The following UBQLN1 variants were observed in gnomAD, a reference collection of about 807,000 sequenced individuals.
The protein encoded by UBQLN1 is ubiquilin-1.
Under a neutral mutation model 65.4 loss-of-function variants are expected in UBQLN1, and 13 were observed. The observed-to-expected ratio is 0.20, with a 90% confidence interval of 0.13 to 0.32. The LOEUF (loss-of-function observed/expected upper bound fraction) is 0.32, where lower values mean the gene tolerates loss of function less well. Ranked by LOEUF, UBQLN1 falls within the 10% of genes least tolerant of loss-of-function variation. The pLI is 1.00. For synonymous variants in UBQLN1, 267 were observed against 247.8 expected, an observed-to-expected ratio of 1.08 and a Z score of -0.73; for missense variants, 561 against 724.0, an observed-to-expected ratio of 0.77 and a Z score of 2.58.
At position 83,673,580 on chromosome 9, in the gene UBQLN1, A is replaced by AC. The variant is rs796554278; in HGVS notation, c.1105+4146dup. ...AAAAAAAAAAAAACAAAAAAAAAAA[A>AC]CTGCGCTTACGTTTTTATTTTTAAA... On this transcript the variant is annotated intron_variant, in intron 6 of 10. Transcript: ENST00000376395. Among the ~76,000 whole-genome samples the AC allele has an allele frequency of 6.2e-3, 675 of 109,438 alleles. 28 individuals carry two copies. Among genetic ancestry groups the AC allele is most frequent in the African/African-American group, 0.025 (611 of 24,488 alleles). 71.8% of individuals were successfully genotyped at this position (109,438 alleles called of 152,430 possible). A position where few individuals can be genotyped will look rare whatever the true frequency, so the allele number is the denominator to read the frequency against.
At chr9:83,702,290 C>G (rs1377804269) in intron 1 of UBQLN1, among the ~76,000 whole-genome samples, 2 of 152,118 alleles carry the variant, frequency 1.3e-5, no homozygotes, top group East Asian at 1.9e-4. Flanking sequence ...GTATGGTAGG[C>G]AAATTACACT....
Position 83,707,603 on chromosome 9 carries a change from G to A in UBQLN1, c.77C>T (p.Pro26Leu). 4 of 1,598,816 alleles carry A rather than the reference G, an allele frequency of 2.5e-6. No homozygotes were observed. Among genetic ancestry groups the A allele is most frequent in the Admixed American group, 1.7e-5 (1 of 57,876 alleles). ...GGGCTCCGCGGAGGCAGCGGCCGCG[G>A]GGGCGCCAGCACCTTCGGCTCCGGC... ...SAAGAEGAGA[P>L]AAAASAEPKI... The change falls in exon 1 of 11, where the codon CCC (proline) becomes CTC (leucine). Residue 26 changes from proline to leucine, a missense_variant. Physicochemically the swap from Pro to Leu is moderately conservative, Grantham distance 98. Coordinates refer to ENST00000376395, the MANE Select transcript of UBQLN1 (RefSeq NM_013438.5).
In UBQLN1 at chr9:83,695,947, A is replaced by AT. The variant is rs35476718; in HGVS notation, c.181-9793dup. ...TAGTTTCACTTCACTTTTCAAATTA[A>AT]TTTTTTTTTTTGAGTCGGAGTCTCA... On this transcript the variant is annotated intron_variant, in intron 1 of 10. Coordinates refer to ENST00000376395, the MANE Select transcript of UBQLN1 (RefSeq NM_013438.5). Among the ~76,000 whole-genome samples, 59 of 149,890 alleles carry AT rather than the reference A, an allele frequency of 3.9e-4. No individual in the cohort carries two copies. The East Asian group carries it at 7.4e-3, about 19-fold the overall frequency.
intron 6 of UBQLN1, among the ~76,000 whole-genome samples, chr9:83,670,876 T>G (rs924439721): frequency 6.6e-6 from 1 of 152,230 alleles, no homozygotes; most frequent in African/African-American, 2.4e-5. Context: ...AACCACTCTT[T>G]GCTCATCTAC....
intron 1 of UBQLN1, among the ~76,000 whole-genome samples, chr9:83,700,430 T>C (rs978183277): frequency 1.6e-4 from 25 of 152,248 alleles, no homozygotes; most frequent in African/African-American, 6.0e-4. Flanking sequence ...TAGATTCATC[T>C]GTAAATAATT....
Position 83,681,593 on chromosome 9 carries a change from T to G in UBQLN1, c.448+1358A>C, listed in dbSNP as rs1034691224. Among the ~76,000 whole-genome samples, 24 of 152,326 alleles carry G rather than the reference T, an allele frequency of 1.6e-4. No homozygotes were observed. In the South Asian group the frequency reaches 2.1e-3, roughly 13 times the overall value. On this transcript the variant is annotated intron_variant, in intron 3 of 10. Transcript: ENST00000376395. ...GAAGGTTAGGAGGGGGACTGAATACTAGGCACAATGAACACCATATACAAA... is the reference window on the plus strand; with the variant it reads ...GAAGGTTAGGAGGGGGACTGAATACGAGGCACAATGAACACCATATACAAA...
At chr9:83,705,066 C>A (rs989950178) in intron 1 of UBQLN1, among the ~76,000 whole-genome samples, 4 of 151,900 alleles carry the variant, frequency 2.6e-5, no homozygotes, top group Admixed American at 2.6e-4. Context: ...AAAAGAGATC[C>A]GAGAGCTTTA....
intron 1 of UBQLN1, among the ~76,000 whole-genome samples, chr9:83,698,550 G>A (rs1226674628): frequency 1.3e-5 from 2 of 152,140 alleles, no homozygotes; most frequent in African/African-American, 2.4e-5. Flanking sequence ...CAACCCAAGC[G>A]ACCAGCAACA....
chr9:83,707,767 G>A lies in UBQLN1; in HGVS notation c.-88C>T. ...AGCCAGCAGACACCAGAGCCGGCAG[G>A]CCTGGACAGCGAAGAATGCAGAGCA... On this transcript the variant is annotated 5_prime_UTR_variant, in exon 1 of 11. Coordinates refer to ENST00000376395, the MANE Select transcript of UBQLN1 (RefSeq NM_013438.5). 1 of 1,448,598 alleles carries A rather than the reference G, an allele frequency of 6.9e-7. No homozygotes were observed. Among genetic ancestry groups the A allele is most frequent in the South Asian group, 1.4e-5 (1 of 73,158 alleles). The allele number at this position is 1,448,598 out of a possible 1,614,324, so 89.7% of individuals were successfully genotyped here.
At chr9:83,678,727 A>G in intron 4 of UBQLN1, 128 bp from the exon 5 acceptor site, 1 of 1,093,568 alleles carries the variant, frequency 9.1e-7, no homozygotes, top group Non-Finnish European at 1.3e-6. Context: ...TGTTTTTTTA[A>G]TTTTTTTGAG....
At position 83,668,145 on chromosome 9, in the gene UBQLN1, T is replaced by C. The variant is rs149891395; in HGVS notation, c.1248+1040A>G. The stretch of plus-strand genomic sequence containing the variant: ...GCATAAATCAATCTTCCATAAAATG[T>C]ACCTCCAATATACAGAATCACAGAC... On this transcript the variant is annotated intron_variant, in intron 7 of 10. Transcript: ENST00000376395. The C allele has an allele frequency of 7.4e-5, 73 of 985,440 alleles. No homozygotes were observed. In the African/African-American group the frequency reaches 1.2e-3, roughly 16 times the overall value. The allele number at this position is 985,440 out of a possible 1,614,324, so 61.0% of individuals were successfully genotyped here. A position where few individuals can be genotyped will look rare whatever the true frequency, so the allele number is the denominator to read the frequency against.
chr9:83,681,809 T>A (rs189482864), intron 3 of UBQLN1, among the ~76,000 whole-genome samples: 78 of 152,312 alleles, frequency 5.1e-4, no homozygotes, highest in South Asian at 4.1e-4. Context: ...CTGGCCAAAG[T>A]ATAGCAGGTT....
intron 2 of UBQLN1, among the ~76,000 whole-genome samples, chr9:83,683,360 G>A (rs1831980018): frequency 7.0e-6 from 1 of 143,168 alleles, no homozygotes; most frequent in African/African-American, 2.6e-5. Context: ...TGCAGTGAGC[G>A]AGATCGCGCC....
At chr9:83,684,138 C>T (rs1312144741) in intron 2 of UBQLN1, among the ~76,000 whole-genome samples, 3 of 151,994 alleles carry the variant, frequency 2.0e-5, no homozygotes, top group Non-Finnish European at 2.9e-5. Context: ...CAATAAAAAG[C>T]GAGAGACTTC....
chr9:83,665,917 G>C (rs983272525), intron 8 of UBQLN1, among the ~76,000 whole-genome samples: 13 of 152,136 alleles, frequency 8.5e-5, no homozygotes, highest in African/African-American at 2.7e-4. Context: ...GAGGAAATGA[G>C]ATCTACCCCT....
intron 7 of UBQLN1, chr9:83,668,210 A>C: frequency 2.0e-6 from 2 of 985,254 alleles, no homozygotes; most frequent in Non-Finnish European, 2.4e-6. Context: ...CCAATTCCAC[A>C]AATTTGGTGA....
intron 10 of UBQLN1, among the ~76,000 whole-genome samples, chr9:83,662,225 C>T (rs1160638034): frequency 4.6e-5 from 7 of 151,400 alleles, no homozygotes; most frequent in Non-Finnish European, 8.8e-5. Context: ...TAGAGGATCA[C>T]GTACATGCAG....
rs1475433445 is a variant in UBQLN1, at chr9:83,677,775, T to C, written c.1057A>G (p.Thr353Ala). The C allele has an allele frequency of 1.2e-6, 2 of 1,614,170 alleles. No individual in the cohort carries two copies. Among genetic ancestry groups the C allele is most frequent in the Non-Finnish European group, 1.7e-6 (2 of 1,180,020 alleles). ...GGCGCAGTAGTACTCTGCCCAGAAG[T>C]GCCACTGGCAGTACTACCAGTAGTG... ...GGTTGSTASG[T>A]SGQSTTAPNL... The change falls in exon 6 of 11, where the codon ACT (threonine) becomes GCT (alanine). Residue 353 changes from threonine to alanine, a missense_variant. Physicochemically the swap from Thr to Ala is moderately conservative, Grantham distance 58. Around this residue, in one of 8 missense-constraint regions of UBQLN1, gnomAD observed 89 missense variants for 77.8 expected, o/e 1.14. Coordinates refer to ENST00000376395, the MANE Select transcript of UBQLN1 (RefSeq NM_013438.5).
chr9:83,679,904 A>C lies in UBQLN1; in HGVS notation c.582T>G (p.Phe194Leu), dbSNP rs1564165428. ...EMMVQIMENP[F>L]VQSMLSNPDL... is the part of the protein sequence containing the mutation. ...CAGGATTTGAGAGCATGCTCTGAAC[A>C]AAGGGATTTTCCATGATCTGGACCA... is the stretch of plus-strand genomic sequence containing the variant. Residue 194 changes from phenylalanine (F) to leucine (L), a missense_variant, in exon 4 of 11, where the codon TTT (phenylalanine) becomes TTG (leucine). Around this residue, in one of 8 missense-constraint regions of UBQLN1, gnomAD observed 75 missense variants for 138.9 expected, o/e 0.54. Transcript: ENST00000376395. 4 of 1,614,188 alleles carry C rather than the reference A, an allele frequency of 2.5e-6. No individual in the cohort carries two copies. The highest frequency in any genetic ancestry group is 3.4e-6 in the Non-Finnish European group (4 of 1,180,028).
Sources: gnomAD v4.1 joint callset for allele counts (sites outside exome capture counted in the v4.1 genomes callset) on GRCh38, gnomAD v4.1.1 for gene constraint, gnomAD v4.1.1 regional missense constraint, MANE v1.5 for transcripts, NCBI Gene and HGNC (gene_info 2026-07-23, HGNC 2026-07-21) for gene names.